Variants in MYO9A observed in about 807,000 individuals in gnomAD.
The protein encoded by MYO9A is myosin IXA.
In MYO9A, 103 loss-of-function variants were observed where a neutral mutation model predicts 293.3. That is an observed-to-expected ratio of 0.35 (90% CI 0.30 to 0.41). The LOEUF (loss-of-function observed/expected upper bound fraction) is 0.41. MYO9A is among the 10% of genes least tolerant of loss of function. The probability of loss-of-function intolerance (pLI) is 1.00; values close to 1 mark genes in which losing one functional copy is unlikely to be tolerated. For missense variants in MYO9A, 2,685 were observed against 3,033.0 expected (o/e 0.89, Z 2.69); for synonymous variants, 1,001 against 1,035.7 (o/e 0.97, Z 0.64).
chr15:71,846,070 G>C (rs532197111), intron 39 of MYO9A, among the ~76,000 whole-genome samples: 1 of 152,308 alleles, frequency 6.6e-6, no homozygotes, highest in African/African-American at 2.4e-5. Flanking sequence ...TATCTGCCCT[G>C]TGAGTTTGAC....
intron 37 of MYO9A, among the ~76,000 whole-genome samples, chr15:71,850,807 C>CAAAAAAAAA (rs2055612314): frequency 1.0e-5 from 1 of 95,962 alleles, no homozygotes; most frequent in Non-Finnish European, 2.2e-5. Flanking sequence ...AAAAAGAATG[C>CAAAAAAAAA]AGAGTAGAGG....
chr15:72,045,599 G>A (rs1248676462), intron 2 of MYO9A, 125 bp downstream of exon 2: 2 of 1,110,376 alleles, frequency 1.8e-6, no homozygotes, highest in Non-Finnish European at 2.5e-6. Flanking sequence ...AGATGGAACA[G>A]TATCTTGCTT....
intron 32 of MYO9A, among the ~76,000 whole-genome samples, chr15:71,875,574 A>G (rs1381392759): frequency 6.6e-6 from 1 of 152,152 alleles, no homozygotes; most frequent in Non-Finnish European, 1.5e-5. Context: ...TCATGAGTAA[A>G]CAATTTCAGT....
intron 10 of MYO9A, chr15:71,993,708 G>T (rs1289071807): frequency 6.6e-6 from 1 of 152,102 alleles, no homozygotes; most frequent in African/African-American, 2.4e-5. Context: ...GGTGGCTCAC[G>T]CCTGTAATCG....
At chr15:72,010,673 C>G (rs1418611993) in intron 6 of MYO9A, among the ~76,000 whole-genome samples, 1 of 152,128 alleles carries the variant, frequency 6.6e-6, no homozygotes, top group African/African-American at 2.4e-5. Context: ...TTTGTTCTCC[C>G]TTTCACAATC....
rs1567044710 is a variant in MYO9A at position 72,103,506 on chromosome 15, CAGCAGAAGCAGCAGAAGCAGTGGA to C, written c.-72+14150_-72+14173del. Among the ~76,000 whole-genome samples, 18 of 141,838 alleles carry C rather than the reference CAGCAGAAGCAGCAGAAGCAGTGGA, an allele frequency of 1.3e-4. 1 individual carries two copies. Among genetic ancestry groups the C allele is most frequent in the Admixed American group, 5.7e-4 (8 of 14,062 alleles). 93.1% of individuals were successfully genotyped at this position (141,838 alleles called of 152,430 possible). On this transcript the variant is annotated intron_variant, in intron 1 of 41. Coordinates refer to ENST00000356056, the MANE Select transcript of MYO9A (RefSeq NM_006901.4). ...AGCAGCGCAGAAGCAGAAGCAGTGGCAGCAGAAGCAGCAGAAGCAGTGGAAGCAGAAGCAGCAGAAGCAGTGGAA... is the reference window on the plus strand; with the variant it reads ...AGCAGCGCAGAAGCAGAAGCAGTGGCAGCAGAAGCAGCAGAAGCAGTGGAA...
At chr15:71,892,621 T>C (rs529246144) in intron 26 of MYO9A, 34 of 167,968 alleles carry the variant, frequency 2.0e-4, no homozygotes, top group Non-Finnish European at 2.1e-4. Flanking sequence ...AGTTAGGTAG[T>C]TGCAATAGAG....
rs528097753 is a variant in MYO9A, at chr15:72,018,341, G to T, written c.1155+698C>A. ...AAATCAACCGGGCATGGTGGCGCAC[G>T]CCTGTAATCCCAGCTACTTGGGAGG... On this transcript the variant is annotated intron_variant, in intron 6 of 41. Transcript: ENST00000356056. 5.3e-5 allele frequency among the ~76,000 whole-genome samples: 8 copies of T among 152,122 alleles called. No homozygotes were observed. In the East Asian group the frequency reaches 1.5e-3, roughly 29 times the overall value.
chr15:72,112,821 G>C (rs995275247), intron 1 of MYO9A, among the ~76,000 whole-genome samples: 1 of 152,176 alleles, frequency 6.6e-6, no homozygotes, highest in East Asian at 1.9e-4. Context: ...TAGAGTTCTA[G>C]TGATATTCTA....
chr15:72,009,545 C>CAA (rs35965590), intron 7 of MYO9A, among the ~76,000 whole-genome samples: 2,048 of 136,200 alleles, frequency 0.015, 20 homozygotes, highest in East Asian at 0.027. Context: ...GGCAACATGG[C>CAA]AAAAAAAAAA....
intron 1 of MYO9A, among the ~76,000 whole-genome samples, chr15:72,071,734 GAC>G (rs2079197079): frequency 1.4e-5 from 2 of 148,026 alleles, no homozygotes. Context: ...CAGCCTGGGC[GAC>G]ACAGCGAGAC....
In MYO9A at chr15:71,955,815, C is replaced by T. The variant is rs1248367053; in HGVS notation, c.2183-3919G>A. 2.0e-5 allele frequency among the ~76,000 whole-genome samples: 3 copies of T among 152,164 alleles called. No homozygotes were observed. In the East Asian group the frequency reaches 5.8e-4, roughly 29 times the overall value. On this transcript the variant is annotated intron_variant, in intron 14 of 41. Transcript: ENST00000356056. ...TTTTGATCATACAAAAAGATACTCA[C>T]ACTCTCTATCATCCTCCCCATCTCT...
At chr15:72,077,573 T>A (rs1335062469) in intron 1 of MYO9A, among the ~76,000 whole-genome samples, 1 of 151,420 alleles carries the variant, frequency 6.6e-6, no homozygotes, top group Non-Finnish European at 1.5e-5. Context: ...ATGCCTATAA[T>A]TCTAGCTACT....
intron 1 of MYO9A, among the ~76,000 whole-genome samples, chr15:72,101,926 C>T (rs1449780381): frequency 4.8e-4 from 73 of 152,182 alleles, no homozygotes; most frequent in Non-Finnish European, 8.1e-4. Context: ...CGCCTCTGCC[C>T]GGCCGCCCCT....
At chr15:71,960,411 A>T (rs1294745683) in intron 13 of MYO9A, 2 of 269,278 alleles carry the variant, frequency 7.4e-6, no homozygotes, top group African/African-American at 2.2e-5. Flanking sequence ...ATGTGCTTCC[A>T]CTTTGCCTTC....
intron 19 of MYO9A, among the ~76,000 whole-genome samples, chr15:71,906,778 T>TTTTTTTTC (rs2057666003): frequency 2.2e-5 from 3 of 136,108 alleles, no homozygotes; most frequent in Non-Finnish European, 4.7e-5. Context: ...TTTTTTTTTT[T>TTTTTTTTC]CCTGAGACAG....
At chr15:71,835,493 C>A (rs1029276438) in intron 39 of MYO9A, among the ~76,000 whole-genome samples, 1 of 151,876 alleles carries the variant, frequency 6.6e-6, no homozygotes, top group African/African-American at 2.4e-5. Context: ...ATACAATAAG[C>A]AACAGAAAAT....
rs59999448 is a variant in MYO9A at position 72,092,910 on chromosome 15, T to TACACAC, written c.-72+24764_-72+24769dup. 3.5e-3 allele frequency among the ~76,000 whole-genome samples: 500 copies of TACACAC among 141,996 alleles called. 2 individuals carry two copies. The highest frequency in any genetic ancestry group is 8.5e-3 in the African/African-American group (333 of 39,078). 93.2% of individuals were successfully genotyped at this position (141,996 alleles called of 152,430 possible). A position where few individuals can be genotyped will look rare whatever the true frequency, so the allele number is the denominator to read the frequency against. Reference sequence around the variant, plus strand: ...CCACCACTTCAGCCACCACCTTACTTACACACACACACACACACACACACA... The same window carrying TACACAC: ...CCACCACTTCAGCCACCACCTTACTTACACACACACACACACACACACACACACACA... On this transcript the variant is annotated intron_variant, in intron 1 of 41. Coordinates refer to ENST00000356056, the MANE Select transcript of MYO9A (RefSeq NM_006901.4).
intron 16 of MYO9A, among the ~76,000 whole-genome samples, chr15:71,935,929 C>CACAT (rs1555486529): frequency 2.6e-5 from 4 of 151,412 alleles, no homozygotes; most frequent in Non-Finnish European, 5.9e-5. Flanking sequence ...CACACACACA[C>CACAT]ACTCACTACT....
Sources: allele counts gnomAD v4.1 joint callset (sites outside exome capture counted in the v4.1 genomes callset), GRCh38; gene constraint gnomAD v4.1.1; transcripts MANE v1.5; gene names NCBI Gene and HGNC (gene_info 2026-07-23, HGNC 2026-07-21).